NCKAP5L: variants seen among roughly 807,000 people sequenced by gnomAD.
The protein encoded by NCKAP5L is NCK associated protein 5 like.
NCKAP5L carries 54 observed loss-of-function variants against 103.2 expected under a neutral mutation model. The ratio of observed to expected loss-of-function variants is 0.52; its 90% CI spans 0.42 to 0.66. NCKAP5L has a LOEUF of 0.66. Ranked by LOEUF, NCKAP5L falls within the 30% of genes least tolerant of loss-of-function variation. The pLI is 0.00. For missense variants in NCKAP5L, 1,733 were observed against 1,750.6 expected (o/e 0.99, Z 0.18); for synonymous variants, 762 against 748.6 (o/e 1.02, Z -0.29).
intron 8 of NCKAP5L, among the ~76,000 whole-genome samples, chr12:49,794,258 C>T (rs1945988339): frequency 6.6e-6 from 1 of 152,202 alleles, no homozygotes; most frequent in Admixed American, 6.5e-5. Flanking sequence ...AGCACACCTG[C>T]GGTCCAAACC....
Position 49,797,328 on chromosome 12 carries a change from C to T in NCKAP5L, c.532G>A (p.Asp178Asn). The T allele has an allele frequency of 6.2e-7, 1 of 1,612,828 alleles. No individual in the cohort carries two copies. The highest frequency in any genetic ancestry group is 8.5e-7 in the Non-Finnish European group (1 of 1,179,712). ...TTCCGAAGGAACGGGGATAGGGCAT[C>T]CAGCGCTGGGGGTGGGGCGGCTGGG... ...GPPAAPPPAL[D>N]ALSPFLRKKA... The change falls in exon 8 of 13, where the codon GAT (aspartate) becomes AAT (asparagine). Residue 178 changes from aspartate (D) to asparagine (N), a missense_variant. Asp to Asn is a conservative substitution (Grantham distance 23). Coordinates refer to ENST00000335999, the MANE Select transcript of NCKAP5L (RefSeq NM_001037806.4). This position sits in a 1 kb window ranked among gnomAD's most constrained non-coding sequence, Gnocchi z 4.5.
rs1945956596 is a variant in NCKAP5L, at chr12:49,792,684, G to A, written c.3643C>T (p.Pro1215Ser). 3.1e-6 allele frequency: 5 copies of A among 1,612,638 alleles called. No individual in the cohort carries two copies. Among genetic ancestry groups the A allele is most frequent in the South Asian group, 1.1e-5 (1 of 90,954 alleles). ...APGHRGHETC[P>S]DDPCEDPGPT... is the part of the protein sequence containing the mutation. ...CTCCCACCTGGACACTCACCATCAGGACAGGTCTCATGGCCCCGGTGGCCC... is the reference window on the plus strand; with the variant it reads ...CTCCCACCTGGACACTCACCATCAGAACAGGTCTCATGGCCCCGGTGGCCC... The change falls in exon 11 of 13, where the codon CCT (proline) becomes TCT (serine). Residue 1215 changes from proline to serine, a missense_variant. Coordinates refer to ENST00000335999, the MANE Select transcript of NCKAP5L (RefSeq NM_001037806.4). This position sits in a 1 kb window ranked among gnomAD's most constrained non-coding sequence, Gnocchi z 4.5.
At chr12:49,823,977 G>A (rs1470134437) in intron 1 of NCKAP5L, among the ~76,000 whole-genome samples, 1 of 152,220 alleles carries the variant, frequency 6.6e-6, no homozygotes, top group African/African-American at 2.4e-5. Context: ...GCCGAGGGCT[G>A]CTGGGCGGTG....
Position 49,792,168 on chromosome 12 carries a change from C to A in NCKAP5L, c.3793-117G>T. The stretch of plus-strand genomic sequence containing the variant: ...TGATGGGGGGCTGCTCCAGAGGGGG[C>A]CCAAGGTGGGGTATACTTCAGAGGA... On this transcript the variant is annotated intron_variant, in intron 12 of 12. Transcript: ENST00000335999. The surrounding 1 kb of genome is among the most constrained non-coding windows in gnomAD (Gnocchi z 4.5). The A allele has an allele frequency of 1.8e-6, 2 of 1,083,378 alleles. No homozygotes were observed. Among genetic ancestry groups the A allele is most frequent in the East Asian group, 5.2e-5 (2 of 38,716 alleles). 67.1% of individuals were successfully genotyped at this position (1,083,378 alleles called of 1,614,324 possible).
In NCKAP5L at chr12:49,816,495, C is replaced by CAAAAAAAAAAA. The variant is rs1163941989; in HGVS notation, c.-98-10465_-98-10455dup. Among the ~76,000 whole-genome samples the CAAAAAAAAAAA allele has an allele frequency of 1.7e-3, 82 of 49,420 alleles. 10 individuals carry two copies. Among genetic ancestry groups the CAAAAAAAAAAA allele is most frequent in the African/African-American group, 5.4e-3 (70 of 13,044 alleles). The allele number at this position is 49,420 out of a possible 152,430, so 32.4% of individuals were successfully genotyped here. On this transcript the variant is annotated intron_variant, in intron 1 of 12. Transcript: ENST00000335999. ...ACCCTTTCAAAGTTCTCAACCCTCT[C>CAAAAAAAAAAA]AAAAAAAAAAAAAAAAAAAAAAGGC...
At position 49,795,030 on chromosome 12, in the gene NCKAP5L, C is replaced by G. The variant is rs759981691; in HGVS notation, c.2830G>C (p.Ala944Pro). 22 of 1,608,576 alleles carry G rather than the reference C, an allele frequency of 1.4e-5. No individual in the cohort carries two copies. Among genetic ancestry groups the G allele is most frequent in the Non-Finnish European group, 1.7e-5 (20 of 1,177,712 alleles). The change falls in exon 8 of 13, where the codon GCT (alanine) becomes CCT (proline). Residue 944 changes from alanine to proline, a missense_variant. Coordinates refer to ENST00000335999, the MANE Select transcript of NCKAP5L (RefSeq NM_001037806.4). ...CTCCGGAGCGGGGAGCCCCCGCCAGCCCCCTCCTTGTTCTTGGTGGCCTCT... is the reference window on the plus strand; with the variant it reads ...CTCCGGAGCGGGGAGCCCCCGCCAGGCCCCTCCTTGTTCTTGGTGGCCTCT... Reference protein sequence around the residue: ...RTEATKNKEGAGGGSPLRREV... With the variant: ...RTEATKNKEGPGGGSPLRREV...
At chr12:49,804,778 T>A (rs181547099) in intron 2 of NCKAP5L, 65 of 152,376 alleles carry the variant, frequency 4.3e-4, no homozygotes, top group African/African-American at 1.5e-3. Flanking sequence ...TACAGGGTCA[T>A]TGTGAGAGTC....
At chr12:49,825,554 T>C (rs958806372) in intron 1 of NCKAP5L, among the ~76,000 whole-genome samples, 4 of 152,210 alleles carry the variant, frequency 2.6e-5, no homozygotes, top group Non-Finnish European at 4.4e-5. Context: ...AACAGCAGCT[T>C]CTGCCTAGTA....
chr12:49,806,424 A>G (rs1408026583), intron 1 of NCKAP5L, among the ~76,000 whole-genome samples: 4 of 152,236 alleles, frequency 2.6e-5, no homozygotes, highest in African/African-American at 9.6e-5. Context: ...TAACCACAAC[A>G]ATGTTAAATG....
In NCKAP5L at chr12:49,824,690, C is replaced by T. The variant is rs1025710035; in HGVS notation, c.-99+3632G>A. 1.1e-4 allele frequency among the ~76,000 whole-genome samples: 16 copies of T among 152,360 alleles called. No homozygotes were observed. The South Asian group carries it at 1.2e-3, about 12-fold the overall frequency. ...GGCATTGCATATGCAGGTCCATCCACGGCCTGCTGCGTGCCTGGTACTGTG... is the reference window on the plus strand; with the variant it reads ...GGCATTGCATATGCAGGTCCATCCATGGCCTGCTGCGTGCCTGGTACTGTG... On this transcript the variant is annotated intron_variant, in intron 1 of 12. Coordinates refer to ENST00000335999, the MANE Select transcript of NCKAP5L (RefSeq NM_001037806.4).
At chr12:49,825,988 G>A (rs963647467) in intron 1 of NCKAP5L, among the ~76,000 whole-genome samples, 8 of 152,170 alleles carry the variant, frequency 5.3e-5, no homozygotes, top group African/African-American at 1.9e-4. Flanking sequence ...GGAGGGAAGG[G>A]GCTGGGAAAG....
In NCKAP5L at chr12:49,792,511, C is replaced by T. The variant is rs368299921; in HGVS notation, c.3727G>A (p.Gly1243Ser). Residue 1243 changes from glycine to serine, a missense_variant, in exon 12 of 13, where the codon GGC (glycine) becomes AGC (serine). Physicochemically the swap from Gly to Ser is moderately conservative, Grantham distance 56. Transcript: ENST00000335999. This position sits in a 1 kb window ranked among gnomAD's most constrained non-coding sequence, Gnocchi z 4.5. ...CACATGAGAGGGTCCGAGGAGCTGC[C>T]GGCTGCCCTAGTATTGGGGAAGGTC... is the stretch of plus-strand genomic sequence containing the variant. Reference protein sequence around the residue: ...NWTFPNTRAAGSSSDPLMCPP... With the variant: ...NWTFPNTRAASSSSDPLMCPP... 1.3e-5 allele frequency: 21 copies of T among 1,613,364 alleles called. No individual in the cohort carries two copies. The highest frequency in any genetic ancestry group is 4.0e-5 in the African/African-American group (3 of 74,904).
At position 49,795,998 on chromosome 12, in the gene NCKAP5L, T is replaced by G. The variant is rs1038785725; in HGVS notation, c.1862A>C (p.Lys621Thr). 6.5e-7 allele frequency: 1 copy of G among 1,539,632 alleles called. No homozygotes were observed. Among genetic ancestry groups the G allele is most frequent in the Non-Finnish European group, 8.7e-7 (1 of 1,149,596 alleles). ...ESYPYGSPQE[K>T]SLDKAGSESP... Reference sequence around the variant, plus strand: ...CTCCGAGCCTGCCTTGTCCAAACTCTTCTCTTGGGGGCTCCCATAGGGGTA... The same window carrying G: ...CTCCGAGCCTGCCTTGTCCAAACTCGTCTCTTGGGGGCTCCCATAGGGGTA... The change falls in exon 8 of 13, where the codon AAG becomes ACG. Residue 621 changes from lysine to threonine, a missense_variant. Transcript: ENST00000335999.
intron 9 of NCKAP5L, 53 bp downstream of exon 9, chr12:49,793,681 T>A (rs1264333289): frequency 1.0e-5 from 15 of 1,497,892 alleles, no homozygotes; most frequent in Non-Finnish European, 1.2e-5. Context: ...GTAAGAGACC[T>A]GGCAGGGCCA....
rs541283879 is a variant in NCKAP5L at position 49,816,996 on chromosome 12, A to G, written c.-98-10955T>C. 2.7e-4 allele frequency among the ~76,000 whole-genome samples: 41 copies of G among 152,276 alleles called. 1 individual carries two copies. The highest frequency in any genetic ancestry group is 9.4e-4 in the African/African-American group (39 of 41,552). ...TTGGAGCTTTCAGTCTATAGGGGACATAAGACATGCAAGAAAAAAAAATCA... is the reference window on the plus strand; with the variant it reads ...TTGGAGCTTTCAGTCTATAGGGGACGTAAGACATGCAAGAAAAAAAAATCA... On this transcript the variant is annotated intron_variant, in intron 1 of 12. Coordinates refer to ENST00000335999, the MANE Select transcript of NCKAP5L (RefSeq NM_001037806.4).
chr12:49,807,799 G>A (rs950031162), intron 1 of NCKAP5L, among the ~76,000 whole-genome samples: 6 of 152,162 alleles, frequency 3.9e-5, no homozygotes, highest in African/African-American at 1.4e-4. Flanking sequence ...CCTGCCCATC[G>A]GTCCCCAGCG....
In NCKAP5L at chr12:49,796,453, G is replaced by A. The variant is rs1447837556; in HGVS notation, c.1407C>T (p.Pro469=). The A allele has an allele frequency of 6.5e-7, 1 of 1,536,512 alleles. No homozygotes were observed. The highest frequency in any genetic ancestry group is 8.7e-7 in the Non-Finnish European group (1 of 1,143,342). ...LKLPPTSEKS[P]SPGGPQLSPQ... ...GACTGAGCTGCGGGCCTCCTGGGCT[G>A]GGGCTCTTCTCCGAGGTTGGAGGCA... Residue 469 remains proline (P), a synonymous_variant, in exon 8 of 13, where the codon CCC becomes CCT. Transcript: ENST00000335999.
rs1322766129 is a variant in NCKAP5L, at chr12:49,796,104, G to T, written c.1756C>A (p.Gln586Lys). 6.2e-7 allele frequency: 1 copy of T among 1,609,026 alleles called. No individual in the cohort carries two copies. The highest frequency in any genetic ancestry group is 2.2e-5 in the East Asian group (1 of 44,870). Reference protein sequence around the residue: ...PSPLQVPTYPQLTLEVPQAPE... With the variant: ...PSPLQVPTYPKLTLEVPQAPE... Reference sequence around the variant, plus strand: ...GCCTGTGGTACCTCCAGAGTTAGCTGTGGGTAGGTGGGCACCTGCAGTGGG... The same window carrying T: ...GCCTGTGGTACCTCCAGAGTTAGCTTTGGGTAGGTGGGCACCTGCAGTGGG... The change falls in exon 8 of 13, where the codon CAG becomes AAG. Residue 586 changes from glutamine (Q) to lysine (K), a missense_variant. Gln to Lys is a moderately conservative substitution (Grantham distance 53, BLOSUM62 1). Coordinates refer to ENST00000335999, the MANE Select transcript of NCKAP5L (RefSeq NM_001037806.4).
rs890971054 is a variant in NCKAP5L, at chr12:49,791,649, G to A, written c.*190C>T. ...CAAGGGCGGGGTCTCTCCCTGAGCT[G>A]AGCACGGTCATCTCATCCGCCGAAG... On this transcript the variant is annotated 3_prime_UTR_variant, in exon 13 of 13. Transcript: ENST00000335999. 1.2e-4 allele frequency: 65 copies of A among 553,694 alleles called. 1 individual carries two copies. The East Asian group carries it at 1.9e-3, about 16-fold the overall frequency. 34.3% of individuals were successfully genotyped at this position (553,694 alleles called of 1,614,324 possible). A position where few individuals can be genotyped will look rare whatever the true frequency, so the allele number is the denominator to read the frequency against.
Sources: allele counts gnomAD v4.1 joint callset (sites outside exome capture counted in the v4.1 genomes callset), GRCh38; gene constraint gnomAD v4.1.1; non-coding constraint Gnocchi (gnomAD v3.1); transcripts MANE v1.5; gene names NCBI Gene and HGNC (gene_info 2026-07-23, HGNC 2026-07-21).